AZIN1: variants seen among roughly 807,000 people sequenced by gnomAD.
AZIN1 encodes the protein ornithine decarboxylase antizyme inhibitor.
Under a neutral mutation model 47.4 loss-of-function variants are expected in AZIN1, and 12 were observed. The ratio of observed to expected loss-of-function variants is 0.25; its 90% CI spans 0.16 to 0.41. The LOEUF (loss-of-function observed/expected upper bound fraction) is 0.41, where lower values mean the gene tolerates loss of function less well. Among genes scored for constraint, AZIN1 ranks in the 10% least tolerant of loss-of-function variants. The pLI is 1.00. For missense variants in AZIN1, 410 were observed against 532.4 expected, an observed-to-expected ratio of 0.77 and a Z score of 2.26; for synonymous variants, 155 against 176.3, an observed-to-expected ratio of 0.88 and a Z score of 0.96.
At chr8:102,840,027 TTTGA>T (rs1194391361) in intron 3 of AZIN1, among the ~76,000 whole-genome samples, 1 of 152,252 alleles carries the variant, frequency 6.6e-6, no homozygotes, top group Admixed American at 6.5e-5. Flanking sequence ...TCTTCTTATA[TTTGA>T]TTACTTTTGC....
At chr8:102,852,849 A>C (rs903930714) in intron 2 of AZIN1, among the ~76,000 whole-genome samples, 1 of 152,214 alleles carries the variant, frequency 6.6e-6, no homozygotes, top group Non-Finnish European at 1.5e-5. Context: ...GAATGGAGGA[A>C]GGACAAAATA....
intron 2 of AZIN1, chr8:102,850,114 T>C (rs1812827787): frequency 6.6e-6 from 1 of 152,192 alleles, no homozygotes; most frequent in Non-Finnish European, 1.5e-5. Flanking sequence ...TGGATGAATA[T>C]GAGTCTTGGA....
chr8:102,856,606 A>C (rs139313586), intron 2 of AZIN1, among the ~76,000 whole-genome samples: 5 of 152,356 alleles, frequency 3.3e-5, no homozygotes, highest in Non-Finnish European at 5.9e-5. Flanking sequence ...ATTATCTTTT[A>C]TTACGGTCTT....
Position 102,844,657 on chromosome 8 carries a change from G to A in AZIN1, c.-95-910C>T, listed in dbSNP as rs79841214. ...TGTAAAAAAAAAAAAAAATCATAGA[G>A]CATATAAATTAAAAACATCTGTTTC... On this transcript the variant is annotated intron_variant, in intron 2 of 11. Transcript: ENST00000337198. Among the ~76,000 whole-genome samples, 2,063 of 151,382 alleles carry A rather than the reference G, an allele frequency of 0.014. 112 individuals are homozygous for A. The East Asian group carries it at 0.2, about 15-fold the overall frequency.
intron 1 of AZIN1, 125 bp from the exon 2 acceptor site, chr8:102,858,275 A>C: frequency 2.5e-6 from 1 of 392,780 alleles, no homozygotes; most frequent in South Asian, 1.4e-4. Flanking sequence ...GTCACATTAC[A>C]CAAGTGATAT....
rs141334277 is a variant in AZIN1 at position 102,839,864 on chromosome 8, A to T, written c.103-41T>A. 210 of 1,462,656 alleles carry T rather than the reference A, an allele frequency of 1.4e-4. 1 individual carries two copies. In the African/African-American group the frequency reaches 2.6e-3, roughly 18 times the overall value. 90.6% of individuals were successfully genotyped at this position (1,462,656 alleles called of 1,614,324 possible). ...AAAAAAAGACAAATATGAACAAAAA[A>T]CCATTGAAAATCAAGTATCAAAACA... On this transcript the variant is annotated intron_variant, in intron 3 of 11. Coordinates refer to ENST00000337198, the MANE Select transcript of AZIN1 (RefSeq NM_148174.4).
Position 102,836,330 on chromosome 8 carries a change from A to C in AZIN1, c.510T>G (p.Phe170Leu), listed in dbSNP as rs1563533712. The C allele has an allele frequency of 1.2e-6, 2 of 1,613,562 alleles. No homozygotes were observed. Among genetic ancestry groups the C allele is most frequent in the Non-Finnish European group, 1.7e-6 (2 of 1,179,572 alleles). The change falls in exon 6 of 12, where the codon TTT becomes TTG. Residue 170 changes from phenylalanine (F) to leucine (L), a missense_variant. By Grantham distance (22) the Phe-to-Leu change is conservative. Coordinates refer to ENST00000337198, the MANE Select transcript of AZIN1 (RefSeq NM_148174.4). ...NIGGEEGNMK[F>L]GTTLKNCRHL... The stretch of plus-strand genomic sequence containing the variant: ...GCCTACAGTTCTTCAGGGTAGTGCC[A>C]AACTTCATGTTACCCTCTTCACCTC...
chr8:102,836,212 C>A, intron 6 of AZIN1, 44 bp downstream of exon 6: 2 of 1,579,124 alleles, frequency 1.3e-6, no homozygotes, highest in South Asian at 1.1e-5. Context: ...CAGGTTACCA[C>A]CATAAAATGT....
chr8:102,862,673 T>C (rs990239615), intron 1 of AZIN1, among the ~76,000 whole-genome samples: 3 of 152,250 alleles, frequency 2.0e-5, no homozygotes, highest in African/African-American at 4.8e-5. Flanking sequence ...CAACCTTCGC[T>C]GAGCACAAGG....
chr8:102,844,726 G>A (rs1230525901), intron 2 of AZIN1, among the ~76,000 whole-genome samples: 2 of 151,970 alleles, frequency 1.3e-5, no homozygotes, highest in East Asian at 3.8e-4. Flanking sequence ...TACCAGAAAT[G>A]CAAAAATAAC....
intron 5 of AZIN1, among the ~76,000 whole-genome samples, chr8:102,838,133 G>A (rs1350053847): frequency 6.6e-6 from 1 of 151,428 alleles, no homozygotes; most frequent in African/African-American, 2.4e-5. Flanking sequence ...AAAGTGCTGG[G>A]ATTACAGGTG....
chr8:102,856,352 C>G (rs1434764762), intron 2 of AZIN1, among the ~76,000 whole-genome samples: 1 of 152,148 alleles, frequency 6.6e-6, no homozygotes, highest in Admixed American at 6.5e-5. Context: ...CTGCCAGAAC[C>G]TGCAGAATAA....
At position 102,829,360 on chromosome 8, in the gene AZIN1, T is replaced by C. The variant is rs1811291494; in HGVS notation, c.1147A>G (p.Asn383Asp). The change falls in exon 11 of 12, where the codon AAC (asparagine) becomes GAC (aspartate). Residue 383 changes from asparagine to aspartate, a missense_variant. Physicochemically the swap from Asn to Asp is conservative, Grantham distance 23 (BLOSUM62 1). Transcript: ENST00000337198. ...LNVGDWLIFD[N>D]MGADSFHEPS... ...TCATGGAAAGAATCTGCTCCCATGT[T>C]ATCAAAGATAAGCCAATCTCCCACA... The C allele has an allele frequency of 1.2e-6, 2 of 1,613,936 alleles. No individual in the cohort carries two copies. The highest frequency in any genetic ancestry group is 2.2e-5 in the South Asian group (2 of 91,084).
intron 9 of AZIN1, among the ~76,000 whole-genome samples, chr8:102,830,635 A>T (rs1407248432): frequency 6.7e-6 from 1 of 149,184 alleles, no homozygotes; most frequent in Non-Finnish European, 1.5e-5. Context: ...CAGAGCAAAA[A>T]CCCTGTCTCA....
intron 1 of AZIN1, chr8:102,859,027 A>G (rs1813462119): frequency 6.6e-6 from 1 of 152,228 alleles, no homozygotes; most frequent in Admixed American, 6.5e-5. Flanking sequence ...CAGAAATTAT[A>G]AAGTCAAGAG....
At chr8:102,833,790 G>C (rs570152552) in intron 8 of AZIN1, among the ~76,000 whole-genome samples, 8 of 147,676 alleles carry the variant, frequency 5.4e-5, no homozygotes, top group African/African-American at 2.0e-4. Flanking sequence ...CCAGCTACTT[G>C]GGAGGTTGAA....
chr8:102,829,163 T>C (rs1811279895), intron 11 of AZIN1, 109 bp downstream of exon 11: 2 of 946,826 alleles, frequency 2.1e-6, no homozygotes, highest in South Asian at 1.6e-5. Flanking sequence ...GTATAGGCAA[T>C]ACATGACTGT....
At chr8:102,850,258 A>G (rs982684895) in intron 2 of AZIN1, 2 of 152,230 alleles carry the variant, frequency 1.3e-5, no homozygotes, top group Admixed American at 6.5e-5. Context: ...TTTACTCATT[A>G]AAAATGAGAA....
In AZIN1 at chr8:102,837,056, A is replaced by G. The variant is rs144772972; in HGVS notation, c.450-666T>C. ...CCTCAGCCTCCCAAAGTAGCTGGAA[A>G]TACAAGGGTGCACCACCACGCCCAG... On this transcript the variant is annotated intron_variant, in intron 5 of 11. Transcript: ENST00000337198. Among the ~76,000 whole-genome samples, 1,331 of 152,114 alleles carry G rather than the reference A, an allele frequency of 8.8e-3. 22 individuals are homozygous for G. The highest frequency in any genetic ancestry group is 0.03 in the African/African-American group (1,254 of 41,500).
Sources: allele counts gnomAD v4.1 joint callset (sites outside exome capture counted in the v4.1 genomes callset), GRCh38; gene constraint gnomAD v4.1.1; transcripts MANE v1.5; gene names NCBI Gene and HGNC (gene_info 2026-07-23, HGNC 2026-07-21).